The following ADGRB3 variants were observed in gnomAD, a reference collection of about 807,000 sequenced individuals.
The protein encoded by ADGRB3 is brain-specific angiogenesis inhibitor 3.
In ADGRB3, 37 loss-of-function variants were observed where a neutral mutation model predicts 193.4. The observed-to-expected ratio is 0.19, with a 90% CI of 0.15 to 0.25. The LOEUF (loss-of-function observed/expected upper bound fraction) is 0.25, where lower values mean the gene tolerates loss of function less well. Ranked by LOEUF, ADGRB3 falls within the 10% of genes least tolerant of loss-of-function variation. The pLI, the probability that ADGRB3 is intolerant of heterozygous loss-of-function variation, is 1.00. For synonymous variants in ADGRB3, 690 were observed against 644.2 expected, an observed-to-expected ratio of 1.07 and a Z score of -1.08; for missense variants, 1,637 against 1,852.9, an observed-to-expected ratio of 0.88 and a Z score of 2.14.
intron 3 of ADGRB3, among the ~76,000 whole-genome samples, chr6:68,750,985 C>G (rs61976953): frequency 0.022 from 3,393 of 152,202 alleles, 64 homozygotes; most frequent in South Asian, 0.074. Context: ...GCCTATTGTT[C>G]CACTCTTCTG....
chr6:69,332,507 G>A, intron 23 of ADGRB3: 1 of 985,394 alleles, frequency 1.0e-6, no homozygotes, highest in South Asian at 4.7e-5. Flanking sequence ...AGCACCTTTT[G>A]CTGCCAGGGC....
intron 3 of ADGRB3, among the ~76,000 whole-genome samples, chr6:68,693,692 C>T (rs150169066): frequency 1.3e-5 from 2 of 151,988 alleles, no homozygotes; most frequent in African/African-American, 4.8e-5. Flanking sequence ...AAATTAACTA[C>T]ACAACCAACC....
rs1186203242 is a variant in ADGRB3 at position 69,163,850 on chromosome 6, G to C, written c.2481-69440G>C. Reference sequence around the variant, plus strand: ...ATAATTGATTGCCTTTTTAAAATTTGCATGTTGCATTCAGAGTAGATCCTT... The same window carrying C: ...ATAATTGATTGCCTTTTTAAAATTTCCATGTTGCATTCAGAGTAGATCCTT... On this transcript the variant is annotated intron_variant, in intron 17 of 31. Coordinates refer to ENST00000370598, the MANE Select transcript of ADGRB3 (RefSeq NM_001704.3). Among the ~76,000 whole-genome samples the C allele has an allele frequency of 2.0e-5, 3 of 152,082 alleles. No homozygotes were observed. In the East Asian group the frequency reaches 5.8e-4, roughly 29 times the overall value.
chr6:68,710,115 C>A (rs1765385316), intron 3 of ADGRB3, among the ~76,000 whole-genome samples: 1 of 152,170 alleles, frequency 6.6e-6, no homozygotes, highest in Admixed American at 6.6e-5. Context: ...AGAGCTCATG[C>A]TCTTAACTTC....
At chr6:68,899,632 T>G (rs1235207566) in intron 3 of ADGRB3, among the ~76,000 whole-genome samples, 1 of 152,148 alleles carries the variant, frequency 6.6e-6, no homozygotes, top group Non-Finnish European at 1.5e-5. Flanking sequence ...CATCATTTTT[T>G]ATGGCTGCAT....
chr6:68,800,381 G>T (rs771097512), intron 3 of ADGRB3, among the ~76,000 whole-genome samples: 1 of 152,172 alleles, frequency 6.6e-6, no homozygotes, highest in Non-Finnish European at 1.5e-5. Flanking sequence ...ATGTCTGTCA[G>T]ATGTGTGTTT....
At chr6:69,008,017 A>G (rs916873436) in intron 11 of ADGRB3, among the ~76,000 whole-genome samples, 2 of 152,090 alleles carry the variant, frequency 1.3e-5, no homozygotes, top group African/African-American at 4.8e-5. Flanking sequence ...AGGGTGTGTT[A>G]GCCAAACACC....
intron 3 of ADGRB3, among the ~76,000 whole-genome samples, chr6:68,921,810 A>T (rs1767050761): frequency 6.6e-6 from 1 of 151,980 alleles, no homozygotes. Context: ...TCATAACAAA[A>T]AAAAATCTAT....
At chr6:69,184,948 T>A (rs1765037993) in intron 17 of ADGRB3, among the ~76,000 whole-genome samples, 1 of 152,114 alleles carries the variant, frequency 6.6e-6, no homozygotes, top group Admixed American at 6.6e-5. Flanking sequence ...ATTCTCTCTA[T>A]GACAGTGATT....
rs774854338 is a variant in ADGRB3 at position 68,638,960 on chromosome 6, T to C, written c.285T>C (p.His95=). The C allele has an allele frequency of 4.0e-5, 64 of 1,613,732 alleles. No individual in the cohort carries two copies. The highest frequency in any genetic ancestry group is 5.3e-5 in the Non-Finnish European group (62 of 1,179,944). The stretch of plus-strand genomic sequence containing the variant: ...CTTATCAGTTTGATCATTTTTCCCA[T>C]GAAAAAATAAAGGATCTTTTAAGAA... ...LLAYQFDHFS[H]EKIKDLLRKN... Residue 95 remains histidine (H), a synonymous_variant, in exon 3 of 32, where the codon CAT becomes CAC. Coordinates refer to ENST00000370598, the MANE Select transcript of ADGRB3 (RefSeq NM_001704.3).
intron 3 of ADGRB3, among the ~76,000 whole-genome samples, chr6:68,794,577 T>C (rs1206677066): frequency 6.6e-6 from 1 of 152,112 alleles, no homozygotes; most frequent in African/African-American, 2.4e-5. Context: ...TGAAGTATTA[T>C]TGTTATTCCC....
intron 17 of ADGRB3, among the ~76,000 whole-genome samples, chr6:69,124,436 T>C (rs2150331485): frequency 6.6e-6 from 1 of 152,326 alleles, no homozygotes. Context: ...AGCGGCCAAC[T>C]TAATTTGCTC....
intron 3 of ADGRB3, among the ~76,000 whole-genome samples, chr6:68,908,058 G>A (rs956351345): frequency 2.0e-5 from 3 of 151,574 alleles, no homozygotes; most frequent in Non-Finnish European, 2.9e-5. Context: ...AGTTCGATGA[G>A]ATCTTAATAT....
chr6:68,817,303 CCATGTATATATATATATATA>C (rs1357064560), intron 3 of ADGRB3, among the ~76,000 whole-genome samples: 1 of 32,726 alleles, frequency 3.1e-5, no homozygotes, highest in Non-Finnish European at 7.4e-5. Flanking sequence ...TCCCTTTTGT[CCATGTATATATATATATATA>C]TATATATATA....
intron 29 of ADGRB3, among the ~76,000 whole-genome samples, chr6:69,364,924 G>A (rs1454673375): frequency 1.3e-5 from 2 of 152,028 alleles, no homozygotes; most frequent in African/African-American, 4.8e-5. Context: ...AAGCACTTGA[G>A]GACTATAAAA....
intron 17 of ADGRB3, among the ~76,000 whole-genome samples, chr6:69,203,183 GAGGTTGTGA>G (rs1412355320): frequency 6.6e-6 from 1 of 152,082 alleles, no homozygotes. Flanking sequence ...ATAATGCAGA[GAGGTTGTGA>G]AAACAGTTTT....
At chr6:68,972,468 C>T (rs1768602076) in intron 8 of ADGRB3, among the ~76,000 whole-genome samples, 1 of 152,126 alleles carries the variant, frequency 6.6e-6, no homozygotes, top group African/African-American at 2.4e-5. Context: ...CCCATCCAAC[C>T]TCCCCCTCCT....
At chr6:69,041,881 C>T (rs2150298968) in intron 13 of ADGRB3, among the ~76,000 whole-genome samples, 1 of 152,266 alleles carries the variant, frequency 6.6e-6, no homozygotes, top group Admixed American at 6.5e-5. Flanking sequence ...TGTGAGCCAC[C>T]ATGCCTGGCC....
intron 20 of ADGRB3, among the ~76,000 whole-genome samples, chr6:69,243,302 A>T (rs930370849): frequency 1.3e-5 from 2 of 151,976 alleles, no homozygotes; most frequent in Non-Finnish European, 2.9e-5. Context: ...AACAAAATCT[A>T]TTCAGGAAGC....
Sources: gnomAD v4.1 joint callset for allele counts (sites outside exome capture counted in the v4.1 genomes callset) on GRCh38, gnomAD v4.1.1 for gene constraint, MANE v1.5 for transcripts, NCBI Gene and HGNC (gene_info 2026-07-23, HGNC 2026-07-21) for gene names.